Variants in TRPM3 observed in about 807,000 individuals in gnomAD.
The protein encoded by TRPM3 is long transient receptor potential channel 3.
TRPM3 carries 77 observed loss-of-function variants against 181.2 expected under a neutral mutation model. The observed-to-expected ratio is 0.42, with a 90% CI of 0.35 to 0.51. The LOEUF is 0.51. TRPM3 is among the 20% of genes least tolerant of loss of function. TRPM3 has a pLI of 0.01. For missense variants in TRPM3, 1,759 were observed against 2,196.7 expected, an observed-to-expected ratio of 0.80 and a Z score of 3.98; for synonymous variants, 745 against 796.4, an observed-to-expected ratio of 0.94 and a Z score of 1.09.
intron 8 of TRPM3, among the ~76,000 whole-genome samples, chr9:70,691,155 AG>A (rs2068422829): frequency 3.3e-5 from 5 of 152,192 alleles, no homozygotes; most frequent in Admixed American, 6.5e-5. Flanking sequence ...TTTGTCACCA[AG>A]TTCCATATAA....
In TRPM3 at chr9:71,341,309, C is replaced by A. The variant is rs114910874; in HGVS notation, c.183+105344G>T. Among the ~76,000 whole-genome samples the A allele has an allele frequency of 4.4e-3, 665 of 152,110 alleles. 9 individuals are homozygous for A. The highest frequency in any genetic ancestry group is 0.015 in the African/African-American group (640 of 41,524). ...ATCCTACCCTAATATTTGTTAATTA[C>A]AACAGGAAAAAAGTAACTTCATGGT... is the stretch of plus-strand genomic sequence containing the variant. On this transcript the variant is annotated intron_variant, in intron 1 of 24. Coordinates refer to the TRPM3 transcript ENST00000357533.
At chr9:71,034,568 G>T (rs2057950177) in intron 1 of TRPM3, among the ~76,000 whole-genome samples, 1 of 152,020 alleles carries the variant, frequency 6.6e-6, no homozygotes, top group Admixed American at 6.6e-5. Context: ...GCAGTTAAAT[G>T]ATATACTTGG....
At chr9:70,701,881 G>A (rs2072689693) in intron 8 of TRPM3, among the ~76,000 whole-genome samples, 1 of 150,408 alleles carries the variant, frequency 6.6e-6, no homozygotes, top group Non-Finnish European at 1.5e-5. Flanking sequence ...TCCCAGTGAT[G>A]TTCAGTATTA....
At chr9:70,607,695 G>A (rs922008979) in intron 19 of TRPM3, among the ~76,000 whole-genome samples, 1 of 152,204 alleles carries the variant, frequency 6.6e-6, no homozygotes, top group Non-Finnish European at 1.5e-5. Flanking sequence ...ATGGGTCTAT[G>A]ATGGGGCTAG....
intron 9 of TRPM3, among the ~76,000 whole-genome samples, chr9:70,663,287 G>A: frequency 6.6e-6 from 1 of 152,102 alleles, no homozygotes; most frequent in East Asian, 1.9e-4. Context: ...ATTGGATACA[G>A]TGTATACTGC....
chr9:70,791,134 A>C (rs1339445878), intron 6 of TRPM3, among the ~76,000 whole-genome samples: 1 of 152,222 alleles, frequency 6.6e-6, no homozygotes. Flanking sequence ...GTCTGACCTT[A>C]CTTGTAAATG....
chr9:70,592,196 C>G (rs1302462600), intron 21 of TRPM3, among the ~76,000 whole-genome samples: 5 of 151,988 alleles, frequency 3.3e-5, no homozygotes, highest in African/African-American at 1.2e-4. Flanking sequence ...CAGTTTCTAC[C>G]CAGTATGGCC....
At chr9:71,298,781 G>A (rs532807532) in intron 1 of TRPM3, among the ~76,000 whole-genome samples, 1 of 152,062 alleles carries the variant, frequency 6.6e-6, no homozygotes, top group South Asian at 2.1e-4. Context: ...TGCGTCACTA[G>A]GCAAATGTGC....
At chr9:70,564,031 G>A (rs1336111012) in intron 22 of TRPM3, among the ~76,000 whole-genome samples, 1 of 152,124 alleles carries the variant, frequency 6.6e-6, no homozygotes, top group Non-Finnish European at 1.5e-5. Flanking sequence ...GACTTCAGAA[G>A]GAATCAGTTT....
At chr9:70,783,088 T>A (rs953458620) in intron 7 of TRPM3, among the ~76,000 whole-genome samples, 1 of 152,136 alleles carries the variant, frequency 6.6e-6, no homozygotes, top group Admixed American at 6.6e-5. Context: ...TCACTTGTAT[T>A]TTTGTTTTGT....
intron 1 of TRPM3, among the ~76,000 whole-genome samples, chr9:70,915,375 G>A (rs2096581693): frequency 1.3e-5 from 2 of 151,818 alleles, no homozygotes; most frequent in Admixed American, 1.3e-4. Context: ...TCGGCTCACT[G>A]CAAGCTTCAC....
At chr9:70,767,203 C>CTT (rs1031149118) in intron 7 of TRPM3, among the ~76,000 whole-genome samples, 4 of 152,174 alleles carry the variant, frequency 2.6e-5, no homozygotes, top group Admixed American at 1.3e-4. Flanking sequence ...AACTTTCCCA[C>CTT]TTTAGAGAGG....
intron 1 of TRPM3, among the ~76,000 whole-genome samples, chr9:70,913,852 T>G (rs893079799): frequency 6.6e-6 from 1 of 152,190 alleles, no homozygotes; most frequent in Non-Finnish European, 1.5e-5. Flanking sequence ...GCATACAGGT[T>G]CTTCCTTTCC....
Position 70,553,296 on chromosome 9 carries a change from T to G in TRPM3, c.3238A>C (p.Asn1080His). ...ATTTTACCATCCTCTCGGGTCTCAT[T>G]CTGTCCACAGGGAGCTGGAGGGAGC... ...ADQIDPPCGQ[N>H]ETREDGKIIQ... Residue 1080 changes from asparagine to histidine, a missense_variant, in exon 23 of 26, where the codon AAT becomes CAT. Physicochemically the swap from Asn to His is moderately conservative, Grantham distance 68. Coordinates refer to ENST00000677713, the MANE Select transcript of TRPM3 (RefSeq NM_001366145.2). The G allele has an allele frequency of 1.9e-6, 3 of 1,614,104 alleles. No individual in the cohort carries two copies. The South Asian group carries it at 3.3e-5, about 18-fold the overall frequency.
intron 6 of TRPM3, among the ~76,000 whole-genome samples, chr9:70,800,512 A>C (rs2088630753): frequency 6.6e-6 from 1 of 152,164 alleles, no homozygotes; most frequent in Non-Finnish European, 1.5e-5. Context: ...GGCCACTTAT[A>C]TGTAGATTTT....
intron 1 of TRPM3, among the ~76,000 whole-genome samples, chr9:71,071,815 G>T (rs957079916): frequency 6.6e-6 from 1 of 152,134 alleles, no homozygotes; most frequent in Non-Finnish European, 1.5e-5. Context: ...ACTAATAACC[G>T]CCTGTGACAT....
At chr9:71,201,196 T>C (rs2131729297) in intron 1 of TRPM3, among the ~76,000 whole-genome samples, 1 of 152,088 alleles carries the variant, frequency 6.6e-6, no homozygotes, top group African/African-American at 2.4e-5. Flanking sequence ...ATGTTGAATA[T>C]TGGTCCCCAC....
intron 1 of TRPM3, among the ~76,000 whole-genome samples, chr9:71,114,225 C>G (rs77438770): frequency 0.014 from 2,066 of 152,292 alleles, 37 homozygotes; most frequent in African/African-American, 0.047. Flanking sequence ...TATCCCTACA[C>G]TACAACTCCT....
At chr9:70,853,204 C>T (rs1190946349) in intron 3 of TRPM3, among the ~76,000 whole-genome samples, 1 of 152,156 alleles carries the variant, frequency 6.6e-6, no homozygotes, top group African/African-American at 2.4e-5. Flanking sequence ...TACAGAGACC[C>T]AGGGAAGGTG....
Sources: gnomAD v4.1 joint callset for allele counts (sites outside exome capture counted in the v4.1 genomes callset) on GRCh38, gnomAD v4.1.1 for gene constraint, MANE v1.5 for transcripts, NCBI Gene and HGNC (gene_info 2026-07-23, HGNC 2026-07-21) for gene names.